The following CAMK2B variants were observed in gnomAD, a reference collection of about 807,000 sequenced individuals.
The protein encoded by CAMK2B is calcium/calmodulin dependent protein kinase II beta, also known as calcium/calmodulin-dependent protein kinase type II subunit beta.
In CAMK2B, 27 loss-of-function variants were observed where a neutral mutation model predicts 93.7. The observed-to-expected ratio is 0.29, with a 90% CI of 0.21 to 0.40. The LOEUF is 0.40. Among genes scored for constraint, CAMK2B ranks in the 10% least tolerant of loss-of-function variants. CAMK2B has a pLI of 1.00. For missense variants in CAMK2B, 568 were observed against 895.8 expected (o/e 0.63, Z 4.67); for synonymous variants, 374 against 358.8 (o/e 1.04, Z -0.48).
At chr7:44,226,095 G>A (rs559434320) in intron 20 of CAMK2B, among the ~76,000 whole-genome samples, 17 of 152,150 alleles carry the variant, frequency 1.1e-4, no homozygotes, top group African/African-American at 2.6e-4. Flanking sequence ...ATGCTAGAGC[G>A]TCTCAGGCCG....
intron 4 of CAMK2B, 37 bp from the exon 5 acceptor site, chr7:44,254,644 GA>G (rs763402250): frequency 4.7e-6 from 7 of 1,481,892 alleles, no homozygotes; most frequent in Non-Finnish European, 2.8e-6. Context: ...AGATTCTGGA[GA>G]CCCCTGTCAC....
At chr7:44,276,747 C>CAGCCCCACCTGGG (rs2097048577) in intron 2 of CAMK2B, among the ~76,000 whole-genome samples, 1 of 152,206 alleles carries the variant, frequency 6.6e-6, no homozygotes, top group Non-Finnish European at 1.5e-5. Context: ...CTTGTGAGGT[C>CAGCCCCACCTGGG]AGCCCCACCT....
At chr7:44,282,099 C>G (rs758863668) in intron 2 of CAMK2B, among the ~76,000 whole-genome samples, 1 of 152,216 alleles carries the variant, frequency 6.6e-6, no homozygotes, top group South Asian at 2.1e-4. Context: ...GGTACGCTCA[C>G]GCACACATAG....
intron 4 of CAMK2B, among the ~76,000 whole-genome samples, chr7:44,256,997 G>C (rs1161133841): frequency 6.6e-6 from 1 of 152,198 alleles, no homozygotes; most frequent in Non-Finnish European, 1.5e-5. Context: ...TAGGCTGTGG[G>C]GGACACATGG....
At position 44,271,793 on chromosome 7, in the gene CAMK2B, C is replaced by G. The variant is rs1046545597; in HGVS notation, c.161-8729G>C. Among the ~76,000 whole-genome samples the G allele has an allele frequency of 6.6e-6, 1 of 152,234 alleles. No individual in the cohort carries two copies. The highest frequency in any genetic ancestry group is 2.4e-5 in the African/African-American group (1 of 41,460). On this transcript the variant is annotated intron_variant, in intron 2 of 23. Coordinates refer to ENST00000395749, the MANE Select transcript of CAMK2B (RefSeq NM_001220.5). This position sits in a 1 kb window ranked among gnomAD's most constrained non-coding sequence, Gnocchi z 4.2. Reference sequence around the variant, plus strand: ...GGACTGCCCATCCAGTCTCAGGGTGCAGGCCGGTTTAGGGGCTGAAAGGAG... The same window carrying G: ...GGACTGCCCATCCAGTCTCAGGGTGGAGGCCGGTTTAGGGGCTGAAAGGAG...
At position 44,226,591 on chromosome 7, in the gene CAMK2B, C is replaced by T. The variant is rs931493867; in HGVS notation, c.1522G>A (p.Glu508Lys). ...CCCACTGGCGAGGGGCCCTCGGCTTCTGGGGTCCCTGAGCCCCTCCTCACA... is the reference window on the plus strand; with the variant it reads ...CCCACTGGCGAGGGGCCCTCGGCTTTTGGGGTCCCTGAGCCCCTCCTCACA... ...NSVRRGSGTP[E>K]AEGPSPVGPP... The change falls in exon 20 of 24, where the codon GAA becomes AAA. Residue 508 changes from glutamate to lysine, a missense_variant. Physicochemically the swap from Glu to Lys is moderately conservative, Grantham distance 56. This residue lies in a region of CAMK2B where 308 missense variants were observed against 292.1 expected (regional missense o/e 1.05). Transcript: ENST00000395749. 6.6e-7 allele frequency: 1 copy of T among 1,510,552 alleles called. No individual in the cohort carries two copies. Among genetic ancestry groups the T allele is most frequent in the Non-Finnish European group, 8.8e-7 (1 of 1,138,374 alleles). The allele number at this position is 1,510,552 out of a possible 1,614,324, so 93.6% of individuals were successfully genotyped here.
chr7:44,306,232 C>T (rs1387175234), intron 1 of CAMK2B, among the ~76,000 whole-genome samples: 7 of 152,074 alleles, frequency 4.6e-5, no homozygotes, highest in African/African-American at 1.7e-4. Context: ...GGGCTGGGAT[C>T]CCCGTAAATC....
intron 3 of CAMK2B, 21 bp from the exon 4 acceptor site, chr7:44,258,947 T>C (rs1434860658): frequency 6.2e-7 from 1 of 1,612,154 alleles, no homozygotes; most frequent in South Asian, 1.1e-5. Context: ...AGAGAAGCCA[T>C]GAGGGGCTGG....
rs2096465229 is a variant in CAMK2B at position 44,225,567 on chromosome 7, C to T, written c.1597+949G>A. Reference sequence around the variant, plus strand: ...GGGTGAGTACCCCTCCAGGGGCTGCCCCCTGCTCTCTCGGGCACCCAGGGT... The same window carrying T: ...GGGTGAGTACCCCTCCAGGGGCTGCTCCCTGCTCTCTCGGGCACCCAGGGT... On this transcript the variant is annotated intron_variant, in intron 20 of 23. Coordinates refer to ENST00000395749, the MANE Select transcript of CAMK2B (RefSeq NM_001220.5). This position sits in a 1 kb window ranked among gnomAD's most constrained non-coding sequence, Gnocchi z 5.0. Among the ~76,000 whole-genome samples the T allele has an allele frequency of 6.6e-6, 1 of 152,144 alleles. No homozygotes were observed. Among genetic ancestry groups the T allele is most frequent in the African/African-American group, 2.4e-5 (1 of 41,428 alleles).
At chr7:44,297,806 C>G (rs1298816227) in intron 1 of CAMK2B, among the ~76,000 whole-genome samples, 1 of 152,096 alleles carries the variant, frequency 6.6e-6, no homozygotes, top group East Asian at 1.9e-4. Context: ...AGTTGGGGGA[C>G]TCACATTTCC....
Position 44,234,632 on chromosome 7 carries a change from G to T in CAMK2B, c.1059+7C>A. 6.2e-7 allele frequency: 1 copy of T among 1,614,016 alleles called. No individual in the cohort carries two copies. The highest frequency in any genetic ancestry group is 1.7e-4 in the Middle Eastern group (1 of 6,058). On this transcript the variant is annotated splice_region_variant and intron_variant, in intron 14 of 23. Transcript: ENST00000395749. ...CCCGGCACCACAGGGCCCGGCTGGA[G>T]CCTCACCTTGACTCCATCTGCTTTC...
intron 1 of CAMK2B, among the ~76,000 whole-genome samples, chr7:44,320,549 G>A (rs910564900): frequency 6.6e-6 from 1 of 152,126 alleles, no homozygotes; most frequent in Non-Finnish European, 1.5e-5. Context: ...AATATAATAA[G>A]CACCATTTAA....
intron 20 of CAMK2B, among the ~76,000 whole-genome samples, chr7:44,222,177 C>T (rs1208947419): frequency 6.6e-6 from 1 of 152,200 alleles, no homozygotes; most frequent in Non-Finnish European, 1.5e-5. Flanking sequence ...AACTCAAACC[C>T]CCAGAAGTGC....
At chr7:44,240,668 A>AG in intron 12 of CAMK2B, 39 bp downstream of exon 12, 2 of 1,610,672 alleles carry the variant, frequency 1.2e-6, no homozygotes, top group Non-Finnish European at 8.5e-7. Context: ...GCCAGCAGGG[A>AG]GGGGGCAGCG....
Position 44,242,551 on chromosome 7 carries a change from T to C in CAMK2B, c.696+9A>G. On this transcript the variant is annotated intron_variant, in intron 9 of 23. Transcript: ENST00000395749. Reference sequence around the variant, plus strand: ...AGGGAGCTCATCAGAGAGGGGCTGGTGCACTCACGTCATAGGCACCAGCCT... The same window carrying C: ...AGGGAGCTCATCAGAGAGGGGCTGGCGCACTCACGTCATAGGCACCAGCCT... The C allele has an allele frequency of 6.3e-7, 1 of 1,596,378 alleles. No homozygotes were observed. Among genetic ancestry groups the C allele is most frequent in the Non-Finnish European group, 8.5e-7 (1 of 1,169,714 alleles).
intron 2 of CAMK2B, chr7:44,267,969 G>A (rs980809354): frequency 6.6e-6 from 1 of 152,234 alleles, no homozygotes; most frequent in South Asian, 2.1e-4. Context: ...CTGGCCTGCC[G>A]GCCATTCATC....
intron 2 of CAMK2B, among the ~76,000 whole-genome samples, chr7:44,277,210 G>T (rs990896307): frequency 1.3e-5 from 2 of 152,168 alleles, no homozygotes; most frequent in African/African-American, 4.8e-5. Flanking sequence ...AACAAGACAT[G>T]TTTTAAGACT....
chr7:44,287,299 A>G (rs1177089666), intron 1 of CAMK2B, among the ~76,000 whole-genome samples: 2 of 152,042 alleles, frequency 1.3e-5, no homozygotes, highest in Non-Finnish European at 2.9e-5. Flanking sequence ...TAAGGAATGT[A>G]TGCTTAAGTC....
intron 1 of CAMK2B, among the ~76,000 whole-genome samples, chr7:44,293,349 T>TC (rs1168207751): frequency 1.3e-5 from 2 of 152,152 alleles, no homozygotes; most frequent in Admixed American, 6.5e-5. Context: ...CATGACAAAT[T>TC]CCCCCATATG....
Sources: gnomAD v4.1 joint callset for allele counts (sites outside exome capture counted in the v4.1 genomes callset) on GRCh38, gnomAD v4.1.1 for gene constraint, gnomAD v4.1.1 regional missense constraint, Gnocchi (gnomAD v3.1) non-coding constraint, MANE v1.5 for transcripts, NCBI Gene and HGNC (gene_info 2026-07-23, HGNC 2026-07-21) for gene names.